The following PHF2 variants were observed in gnomAD, a reference collection of about 807,000 sequenced individuals.
PHF2 encodes lysine-specific demethylase PHF2.
Under a neutral mutation model 120.5 loss-of-function variants are expected in PHF2, and 27 were observed. The observed-to-expected ratio is 0.22, with a 90% CI of 0.17 to 0.31. The LOEUF is 0.31. Among genes scored for constraint, PHF2 ranks in the 10% least tolerant of loss-of-function variants. The pLI is 1.00. For missense variants in PHF2, 1,024 were observed against 1,434.8 expected, an observed-to-expected ratio of 0.71 and a Z score of 4.63; for synonymous variants, 568 against 592.5, an observed-to-expected ratio of 0.96 and a Z score of 0.60.
rs544350871 is a variant in PHF2, at chr9:93,663,646, G to T, written c.1937+11G>T. ...CAAGAAACTCCTCGGGTATGTGAGT[G>T]CCTGGATGGGAGGGGTGACCTCGCG... On this transcript the variant is annotated intron_variant, in intron 14 of 21. Transcript: ENST00000359246. The T allele has an allele frequency of 3.2e-6, 5 of 1,543,436 alleles. No individual in the cohort carries two copies. In the African/African-American group the frequency reaches 6.8e-5, roughly 21 times the overall value.
Position 93,645,734 on chromosome 9 carries a change from G to T in PHF2, c.405G>T (p.Leu135=). ...TCCTCGTCCCTAAGAAAGACGGGCTGGGTCTGGCTGTCCCGGCCCCCACGT... is the reference window on the plus strand; with the variant it reads ...TCCTCGTCCCTAAGAAAGACGGGCTTGGTCTGGCTGTCCCGGCCCCCACGT... ...EPILVPKKDG[L]GLAVPAPTFY... is the part of the protein sequence containing the mutation. Residue 135 remains leucine (L), a synonymous_variant, in exon 4 of 22, where the codon CTG becomes CTT. Transcript: ENST00000359246. 1.9e-6 allele frequency: 3 copies of T among 1,611,766 alleles called. No homozygotes were observed. The highest frequency in any genetic ancestry group is 2.5e-6 in the Non-Finnish European group (3 of 1,179,394).
chr9:93,651,732 T>C (rs1826373389), intron 5 of PHF2, among the ~76,000 whole-genome samples: 1 of 152,198 alleles, frequency 6.6e-6, no homozygotes, highest in Non-Finnish European at 1.5e-5. Context: ...TGCGTGTCCA[T>C]GGGGGCTTTG....
intron 1 of PHF2, among the ~76,000 whole-genome samples, chr9:93,625,703 C>G (rs1292386205): frequency 6.6e-6 from 1 of 151,684 alleles, no homozygotes; most frequent in Non-Finnish European, 1.5e-5. Context: ...GTCTCAAACT[C>G]CTGACTTCAA....
Position 93,627,428 on chromosome 9 carries a change from T to G in PHF2, c.99-2542T>G, listed in dbSNP as rs577271745. Among the ~76,000 whole-genome samples, 15 of 151,772 alleles carry G rather than the reference T, an allele frequency of 9.9e-5. No individual in the cohort carries two copies. In the South Asian group the frequency reaches 3.1e-3, roughly 32 times the overall value. ...TTAGAGTTTTCTATATGTAGGATTA[T>G]GTCATATGCAAATAAAGGTAATTTT... On this transcript the variant is annotated intron_variant, in intron 1 of 21. Transcript: ENST00000359246.
At chr9:93,598,257 T>C (rs1440859788) in intron 1 of PHF2, among the ~76,000 whole-genome samples, 1 of 152,154 alleles carries the variant, frequency 6.6e-6, no homozygotes, top group Non-Finnish European at 1.5e-5. Context: ...GACGGGTTAT[T>C]TTGACAAGTG....
intron 9 of PHF2, 125 bp from the exon 10 acceptor site, chr9:93,658,020 C>G (rs1826490508): frequency 3.1e-6 from 2 of 635,366 alleles, no homozygotes; most frequent in African/African-American, 3.7e-5. Context: ...GAGCTGGTGG[C>G]CATGGGCGGA....
chr9:93,597,165 A>C (rs1045346958), intron 1 of PHF2, among the ~76,000 whole-genome samples: 1 of 151,918 alleles, frequency 6.6e-6, no homozygotes, highest in Non-Finnish European at 1.5e-5. Flanking sequence ...TCTTGCCCTC[A>C]TGGTCCGCCT....
chr9:93,660,613 T>G, intron 12 of PHF2, 53 bp downstream of exon 12: 2 of 1,465,220 alleles, frequency 1.4e-6, no homozygotes, highest in Non-Finnish European at 1.8e-6. Flanking sequence ...TGCTGCAGCA[T>G]CTCTTGTGGG....
intron 1 of PHF2, among the ~76,000 whole-genome samples, chr9:93,629,372 G>T (rs976517393): frequency 1.2e-4 from 18 of 152,162 alleles, no homozygotes; most frequent in African/African-American, 4.3e-4. Context: ...ATAGGAGGTG[G>T]CTCTCTCTTG....
rs145215516 is a variant in PHF2, at chr9:93,620,009, C to T, written c.99-9961C>T. ...CCCTGCTTAGCACAGCCTTAGAAGGCGTCCCTGGGCTTCAGCTCAGCCAAA... is the reference window on the plus strand; with the variant it reads ...CCCTGCTTAGCACAGCCTTAGAAGGTGTCCCTGGGCTTCAGCTCAGCCAAA... On this transcript the variant is annotated intron_variant, in intron 1 of 21. Transcript: ENST00000359246. Among the ~76,000 whole-genome samples the T allele has an allele frequency of 3.8e-3, 572 of 152,298 alleles. 3 individuals carry two copies. Among genetic ancestry groups the T allele is most frequent in the Middle Eastern group, 6.8e-3 (2 of 294 alleles).
intron 1 of PHF2, among the ~76,000 whole-genome samples, chr9:93,591,850 C>T (rs774234587): frequency 2.0e-5 from 3 of 152,234 alleles, no homozygotes; most frequent in Non-Finnish European, 4.4e-5. Flanking sequence ...ACCCCAGATG[C>T]TTGGCCGTTG....
chr9:93,603,463 TC>T (rs1825483096), intron 1 of PHF2, among the ~76,000 whole-genome samples: 1 of 152,120 alleles, frequency 6.6e-6, no homozygotes, highest in African/African-American at 2.4e-5. Context: ...GGCTCTGGAC[TC>T]CTGTAGGACA....
intron 5 of PHF2, among the ~76,000 whole-genome samples, chr9:93,651,645 T>C (rs1203880335): frequency 6.6e-6 from 1 of 152,176 alleles, no homozygotes; most frequent in African/African-American, 2.4e-5. Flanking sequence ...GCCTGCTCTG[T>C]GGCAGGTCTA....
At position 93,660,362 on chromosome 9, in the gene PHF2, C is replaced by A. The variant is rs1483844066; in HGVS notation, c.1500C>A (p.Pro500=). The change falls in exon 12 of 22, where the codon CCC becomes CCA. Residue 500 remains proline (P), a synonymous_variant. Coordinates refer to ENST00000359246, the MANE Select transcript of PHF2 (RefSeq NM_005392.4). ...AGACTCCCAAAACTGTGAAGATGCC[C>A]AAGCCATCCAAAATCCCCAAGCCCC... The part of the protein sequence containing the change: ...KKKTPKTVKM[P]KPSKIPKPPK... 6.3e-7 allele frequency: 1 copy of A among 1,587,650 alleles called. No homozygotes were observed. Among genetic ancestry groups the A allele is most frequent in the Non-Finnish European group, 8.6e-7 (1 of 1,166,730 alleles).
At chr9:93,650,925 G>T (rs193246317) in intron 5 of PHF2, among the ~76,000 whole-genome samples, 1 of 152,236 alleles carries the variant, frequency 6.6e-6, no homozygotes, top group African/African-American at 2.4e-5. Context: ...CTAAAACCAA[G>T]AAAGAGAATA....
At chr9:93,607,269 T>C (rs1265240951) in intron 1 of PHF2, among the ~76,000 whole-genome samples, 2 of 151,982 alleles carry the variant, frequency 1.3e-5, no homozygotes, top group Non-Finnish European at 2.9e-5. Context: ...GTTGTTGTTG[T>C]TGTTGTTTTT....
chr9:93,617,329 A>T (rs937647212), intron 1 of PHF2, among the ~76,000 whole-genome samples: 11 of 152,182 alleles, frequency 7.2e-5, no homozygotes, highest in African/African-American at 2.7e-4. Flanking sequence ...TGAGAAAGCC[A>T]CTGTGTCCTG....
intron 1 of PHF2, among the ~76,000 whole-genome samples, chr9:93,594,620 C>G (rs1355540504): frequency 6.6e-6 from 1 of 152,228 alleles, no homozygotes; most frequent in Admixed American, 6.5e-5. Context: ...TGCCCTCCTG[C>G]TGATTGGCAG....
chr9:93,599,771 G>A (rs1463841685), intron 1 of PHF2, among the ~76,000 whole-genome samples: 1 of 152,244 alleles, frequency 6.6e-6, no homozygotes, highest in African/African-American at 2.4e-5. Flanking sequence ...GAGCACGAAA[G>A]GGATTTAGAG....
Sources: allele counts gnomAD v4.1 joint callset (sites outside exome capture counted in the v4.1 genomes callset), GRCh38; gene constraint gnomAD v4.1.1; transcripts MANE v1.5; gene names NCBI Gene and HGNC (gene_info 2026-07-23, HGNC 2026-07-21).